CDH4: variants seen among roughly 807,000 people sequenced by gnomAD.
The protein encoded by CDH4 is cadherin-4.
A neutral mutation model predicts 86.0 loss-of-function variants in CDH4; 33 were observed. That is an observed-to-expected ratio of 0.38 (90% CI 0.29 to 0.51). The LOEUF (loss-of-function observed/expected upper bound fraction) is 0.51, where lower values mean the gene tolerates loss of function less well. CDH4 is among the 20% of genes least tolerant of loss of function. The pLI, the probability that CDH4 is intolerant of heterozygous loss-of-function variation, is 0.86. For missense variants in CDH4, 1,114 were observed against 1,307.4 expected (o/e 0.85, Z 2.28); for synonymous variants, 555 against 549.4 (o/e 1.01, Z -0.14).
chr20:61,704,383 C>A (rs969445882), intron 2 of CDH4, among the ~76,000 whole-genome samples: 1 of 152,182 alleles, frequency 6.6e-6, no homozygotes, highest in South Asian at 2.1e-4. Context: ...AAGGAGGCCC[C>A]AGGTCAGGCA....
At position 61,254,688 on chromosome 20, in the gene CDH4, G is replaced by C. The variant is rs3752254; in HGVS notation, c.58-138G>C. The C allele has an allele frequency of 3.6e-4, 241 of 671,286 alleles. 2 individuals carry two copies. The African/African-American group carries it at 3.9e-3, about 11-fold the overall frequency. The allele number at this position is 671,286 out of a possible 1,614,324, so 41.6% of individuals were successfully genotyped here. Reference sequence around the variant, plus strand: ...AGAGCAGAGGAGCAGACGGGGTATCGCGTCTGGGTGGAGACGGTGGCCTGC... The same window carrying C: ...AGAGCAGAGGAGCAGACGGGGTATCCCGTCTGGGTGGAGACGGTGGCCTGC... On this transcript the variant is annotated intron_variant, in intron 1 of 15. Transcript: ENST00000614565.
At chr20:61,293,039 G>A (rs1187407816) in intron 2 of CDH4, among the ~76,000 whole-genome samples, 3 of 152,150 alleles carry the variant, frequency 2.0e-5, no homozygotes, top group Admixed American at 6.5e-5. Context: ...TGGTCCCCAC[G>A]CTCCCCGAGG....
intron 2 of CDH4, among the ~76,000 whole-genome samples, chr20:61,589,880 G>A (rs1018966462): frequency 4.6e-5 from 7 of 151,658 alleles, no homozygotes; most frequent in Admixed American, 2.0e-4. Flanking sequence ...CAGACATTGC[G>A]TGGACAAACA....
chr20:61,666,955 C>T (rs906155013), intron 2 of CDH4, among the ~76,000 whole-genome samples: 4 of 152,250 alleles, frequency 2.6e-5, no homozygotes, highest in African/African-American at 7.2e-5. Flanking sequence ...AAGCATCCCT[C>T]ACCCGCACAC....
chr20:61,437,181 C>T (rs1335472032), intron 2 of CDH4: 2 of 152,284 alleles, frequency 1.3e-5, no homozygotes, highest in African/African-American at 2.4e-5. Flanking sequence ...CCTGCTGGGC[C>T]CCCGCCCCCC....
At chr20:61,927,888 G>A (rs538902604) in intron 11 of CDH4, among the ~76,000 whole-genome samples, 5 of 152,194 alleles carry the variant, frequency 3.3e-5, no homozygotes, top group Admixed American at 6.5e-5. Context: ...GGCTGTGTGC[G>A]TGTGTGCAGC....
chr20:61,685,424 C>T (rs2087563179), intron 2 of CDH4, among the ~76,000 whole-genome samples: 1 of 152,220 alleles, frequency 6.6e-6, no homozygotes, highest in Non-Finnish European at 1.5e-5. Flanking sequence ...GTGTACCAAG[C>T]CATTCTTGCT....
chr20:61,737,495 G>T (rs577655453), intron 2 of CDH4, among the ~76,000 whole-genome samples: 43 of 152,152 alleles, frequency 2.8e-4, no homozygotes, highest in Non-Finnish European at 5.3e-4. Flanking sequence ...GCCCTTGTGT[G>T]ACCCCACTGC....
At chr20:61,388,629 G>A (rs1347456780) in intron 2 of CDH4, among the ~76,000 whole-genome samples, 1 of 152,140 alleles carries the variant, frequency 6.6e-6, no homozygotes, top group African/African-American at 2.4e-5. Context: ...TGTCGTTAGC[G>A]TTTTTAAAAC....
intron 4 of CDH4, among the ~76,000 whole-genome samples, chr20:61,827,544 A>C (rs1001084752): frequency 6.6e-6 from 1 of 152,224 alleles, no homozygotes; most frequent in Non-Finnish European, 1.5e-5. Context: ...GGTTTTAGGT[A>C]TTAATGTGAA....
chr20:61,581,344 G>C (rs2086427022), intron 2 of CDH4, among the ~76,000 whole-genome samples: 1 of 152,208 alleles, frequency 6.6e-6, no homozygotes, highest in Non-Finnish European at 1.5e-5. Context: ...TCCAGAATCA[G>C]CCTCACTGGG....
rs548890583 is a variant in CDH4, at chr20:61,800,527, T to C, written c.576+27345T>C. 2.0e-4 allele frequency among the ~76,000 whole-genome samples: 31 copies of C among 152,296 alleles called. No homozygotes were observed. The South Asian group carries it at 5.6e-3, about 27-fold the overall frequency. ...CTCATCGCCCCCCACAGAAAGGAAA[T>C]GGAGCCCAGAGAGGGTAAAACACCT... is the stretch of plus-strand genomic sequence containing the variant. On this transcript the variant is annotated intron_variant, in intron 4 of 15. Transcript: ENST00000614565.
intron 8 of CDH4, among the ~76,000 whole-genome samples, chr20:61,906,802 G>A (rs865873288): frequency 1.3e-5 from 2 of 151,918 alleles, no homozygotes. Flanking sequence ...GGAATGGCCC[G>A]GGGTCAGGTG....
chr20:61,827,221 G>A lies in CDH4; in HGVS notation c.577-17447G>A, dbSNP rs575621999. On this transcript the variant is annotated intron_variant, in intron 4 of 15. Coordinates refer to ENST00000614565, the MANE Select transcript of CDH4 (RefSeq NM_001794.5). The stretch of plus-strand genomic sequence containing the variant: ...AAATCAAAAGCAAAAGGGAATCAAC[G>A]CGTCCGTCTATCAAGTTGGTGACAT... 5.3e-5 allele frequency among the ~76,000 whole-genome samples: 8 copies of A among 152,190 alleles called. No individual in the cohort carries two copies. In the Middle Eastern group the frequency reaches 0.01, roughly 194 times the overall value.
At position 61,779,795 on chromosome 20, in the gene CDH4, C is replaced by T. The variant is rs190858803; in HGVS notation, c.576+6613C>T. Among the ~76,000 whole-genome samples, 39 of 152,366 alleles carry T rather than the reference C, an allele frequency of 2.6e-4. No individual in the cohort carries two copies. In the East Asian group the frequency reaches 3.5e-3, roughly 14 times the overall value. ...AGCTGGGTCTGCATCCCGAGATGCACGGCCAAGGTGCCGGAGACCCCTCTC... is the reference window on the plus strand; with the variant it reads ...AGCTGGGTCTGCATCCCGAGATGCATGGCCAAGGTGCCGGAGACCCCTCTC... On this transcript the variant is annotated intron_variant, in intron 4 of 15. Coordinates refer to ENST00000614565, the MANE Select transcript of CDH4 (RefSeq NM_001794.5).
intron 4 of CDH4, among the ~76,000 whole-genome samples, chr20:61,813,714 T>C (rs560528070): frequency 6.6e-6 from 1 of 152,266 alleles, no homozygotes; most frequent in Admixed American, 6.5e-5. Context: ...CTTATTTCTG[T>C]TTATTTTTAT....
chr20:61,356,494 C>T (rs2084751228), intron 2 of CDH4, among the ~76,000 whole-genome samples: 1 of 152,172 alleles, frequency 6.6e-6, no homozygotes, highest in South Asian at 2.1e-4. Context: ...CTTTTATCTC[C>T]TCACCATTAA....
intron 6 of CDH4, among the ~76,000 whole-genome samples, chr20:61,855,861 T>C (rs909317591): frequency 6.6e-6 from 1 of 152,186 alleles, no homozygotes; most frequent in African/African-American, 2.4e-5. Context: ...CAGGACTATG[T>C]TGAGTGAAAC....
intron 2 of CDH4, among the ~76,000 whole-genome samples, chr20:61,536,043 A>AG (rs11483532): frequency 0.084 from 12,699 of 152,006 alleles, 763 homozygotes; most frequent in East Asian, 0.34. Context: ...TGGCATTAGG[A>AG]GTGCCCCCGG....
Sources: allele counts gnomAD v4.1 joint callset (sites outside exome capture counted in the v4.1 genomes callset), GRCh38; gene constraint gnomAD v4.1.1; transcripts MANE v1.5; gene names NCBI Gene and HGNC (gene_info 2026-07-23, HGNC 2026-07-21).